The following CTNNA1 variants were observed in gnomAD, a reference collection of about 807,000 sequenced individuals.
CTNNA1 encodes the protein catenin alpha 1.
In CTNNA1, 37 loss-of-function variants were observed where a neutral mutation model predicts 98.4. That is an observed-to-expected ratio of 0.38 (90% CI 0.29 to 0.49). The LOEUF is 0.49. Among genes scored for constraint, CTNNA1 ranks in the 20% least tolerant of loss-of-function variants. The pLI, the probability that CTNNA1 is intolerant of heterozygous loss-of-function variation, is 0.95. For missense variants in CTNNA1, 761 were observed against 1,147.2 expected, an observed-to-expected ratio of 0.66 and a Z score of 4.86; for synonymous variants, 404 against 413.2, an observed-to-expected ratio of 0.98 and a Z score of 0.27.
chr5:138,913,669 A>C (rs1346622384), intron 10 of CTNNA1, among the ~76,000 whole-genome samples: 1 of 151,792 alleles, frequency 6.6e-6, no homozygotes, highest in Non-Finnish European at 1.5e-5. Context: ...TTTTTCTAAC[A>C]GTTTTTCCTA....
At chr5:138,823,888 C>T (rs1019724087) in intron 5 of CTNNA1, among the ~76,000 whole-genome samples, 2 of 125,318 alleles carry the variant, frequency 1.6e-5, no homozygotes, top group East Asian at 2.5e-4. Flanking sequence ...ACCCGGGAGG[C>T]GGAGCTTGCA....
intron 10 of CTNNA1, among the ~76,000 whole-genome samples, chr5:138,910,543 A>T (rs924022678): frequency 1.3e-5 from 2 of 151,920 alleles, no homozygotes. Flanking sequence ...GCTTTAACTC[A>T]TTGCCTTGAG....
At chr5:138,816,944 A>G (rs34645817) in intron 5 of CTNNA1, among the ~76,000 whole-genome samples, 113,047 of 152,182 alleles carry the variant, frequency 0.74, 42,262 homozygotes, top group East Asian at 0.99. Context: ...AAAGTGATCC[A>G]CCTGCCTTGG....
At chr5:138,790,733 T>C in intron 3 of CTNNA1, among the ~76,000 whole-genome samples, 1 of 152,246 alleles carries the variant, frequency 6.6e-6, no homozygotes, top group East Asian at 1.9e-4. Context: ...GTCTGCAATT[T>C]TGGTTTTAAT....
At chr5:138,767,979 C>T (rs2149596384) in intron 1 of CTNNA1, among the ~76,000 whole-genome samples, 1 of 152,326 alleles carries the variant, frequency 6.6e-6, no homozygotes, top group Non-Finnish European at 1.5e-5. Context: ...TATATTGAAT[C>T]AGAATCTGTG....
intron 1 of CTNNA1, among the ~76,000 whole-genome samples, chr5:138,769,403 T>A (rs925173743): frequency 1.2e-4 from 18 of 150,450 alleles, no homozygotes; most frequent in Non-Finnish European, 1.9e-4. Flanking sequence ...TATTATTATT[T>A]TTTGAGATGG....
At chr5:138,930,393 G>C in intron 14 of CTNNA1, 80 bp from the exon 15 acceptor site, 1 of 1,033,556 alleles carries the variant, frequency 9.7e-7, no homozygotes, top group Non-Finnish European at 1.5e-6. Context: ...CAGATTGCCT[G>C]TTGGAAATAT....
At position 138,933,926 on chromosome 5, in the gene CTNNA1, A is replaced by T. The variant is rs199994641; in HGVS notation, c.2558A>T (p.Asn853Ile). 31 of 1,614,140 alleles carry T rather than the reference A, an allele frequency of 1.9e-5. No individual in the cohort carries two copies. Among genetic ancestry groups the T allele is most frequent in the Non-Finnish European group, 2.5e-5 (30 of 1,180,032 alleles). ...YQKSQGMASL[N>I]LPAVSWKMKA... The stretch of plus-strand genomic sequence containing the variant: ...AAGTCACAGGGTATGGCTTCCCTCA[A>T]CCTTCCTGCTGTGTCATGGAAGATG... The change falls in exon 18 of 18, where the codon AAC (asparagine) becomes ATC (isoleucine). Residue 853 changes from asparagine to isoleucine, a missense_variant. By Grantham distance (149) the Asn-to-Ile change is moderately radical. This residue lies in a region of CTNNA1 where 57 missense variants were observed against 90.9 expected (regional missense o/e 0.63). Transcript: ENST00000302763.
intron 1 of CTNNA1, among the ~76,000 whole-genome samples, chr5:138,759,525 T>C (rs1752081418): frequency 6.6e-6 from 1 of 152,210 alleles, no homozygotes; most frequent in Non-Finnish European, 1.5e-5. Context: ...CCATTAAATT[T>C]CCTGGAAGTC....
intron 1 of CTNNA1, among the ~76,000 whole-genome samples, chr5:138,770,429 C>A (rs900972095): frequency 6.6e-6 from 1 of 152,168 alleles, no homozygotes; most frequent in Admixed American, 6.5e-5. Flanking sequence ...ACATAGATAT[C>A]CAGTCCATAC....
chr5:138,930,445 TA>T, intron 14 of CTNNA1, 27 bp from the exon 15 acceptor site: 1 of 1,563,658 alleles, frequency 6.4e-7, no homozygotes, highest in South Asian at 1.2e-5. Flanking sequence ...TCTTTTTATG[TA>T]AGAGCTCTTT....
In CTNNA1 at chr5:138,886,267, A is replaced by G; in HGVS notation, c.1118A>G (p.Lys373Arg). The part of the protein sequence containing the change: ...ALNSAIDKMT[K>R]KTRDLRRQLR... ...AATTCTGCAATAGATAAAATGACCA[A>G]GAAGACCAGGGACTTGCGTAGACAG... is the stretch of plus-strand genomic sequence containing the variant. The change falls in exon 8 of 18, where the codon AAG becomes AGG. Residue 373 changes from lysine (K) to arginine (R), a missense_variant. Transcript: ENST00000302763. The G allele has an allele frequency of 1.2e-6, 2 of 1,610,936 alleles. No homozygotes were observed. The highest frequency in any genetic ancestry group is 1.7e-6 in the Non-Finnish European group (2 of 1,178,564).
chr5:138,905,127 C>CATACATACATAT (rs1429924270), intron 10 of CTNNA1, among the ~76,000 whole-genome samples: 1 of 150,236 alleles, frequency 6.7e-6, no homozygotes, highest in African/African-American at 2.5e-5. Flanking sequence ...TACATACATA[C>CATACATACATAT]ATAAATACAA....
intron 3 of CTNNA1, among the ~76,000 whole-genome samples, chr5:138,790,650 T>C (rs1265985234): frequency 1.3e-5 from 2 of 152,234 alleles, no homozygotes; most frequent in Non-Finnish European, 2.9e-5. Context: ...CTTTTAGATT[T>C]CTCTTTACTA....
intron 9 of CTNNA1, among the ~76,000 whole-genome samples, chr5:138,889,149 A>G (rs1414092024): frequency 6.6e-6 from 1 of 152,214 alleles, no homozygotes; most frequent in Non-Finnish European, 1.5e-5. Flanking sequence ...AGTAGCATAC[A>G]TATTAGAAAG....
intron 4 of CTNNA1, 71 bp from the exon 5 acceptor site, chr5:138,812,112 C>T (rs1351628086): frequency 7.0e-7 from 1 of 1,420,818 alleles, no homozygotes; most frequent in Non-Finnish European, 9.7e-7. Flanking sequence ...AATGAAAATT[C>T]CTAGGATGCC....
intron 7 of CTNNA1, among the ~76,000 whole-genome samples, chr5:138,884,045 G>C (rs1048373439): frequency 6.6e-6 from 1 of 152,216 alleles, no homozygotes; most frequent in African/African-American, 2.4e-5. Flanking sequence ...ACAGTCTCAA[G>C]AACATATTCC....
intron 1 of CTNNA1, among the ~76,000 whole-genome samples, chr5:138,781,019 T>G (rs1326072430): frequency 6.6e-6 from 1 of 152,214 alleles, no homozygotes; most frequent in Admixed American, 6.5e-5. Context: ...TTGACACTGA[T>G]ACAGTGATAT....
At chr5:138,929,767 G>A (rs1030933499) in intron 14 of CTNNA1, among the ~76,000 whole-genome samples, 1 of 152,224 alleles carries the variant, frequency 6.6e-6, no homozygotes, top group African/African-American at 2.4e-5. Context: ...GCCAGTCAGA[G>A]CCATTGCATT....
Sources: allele counts gnomAD v4.1 joint callset (sites outside exome capture counted in the v4.1 genomes callset), GRCh38; gene constraint gnomAD v4.1.1; regional missense constraint gnomAD v4.1.1; transcripts MANE v1.5; gene names NCBI Gene and HGNC (gene_info 2026-07-23, HGNC 2026-07-21).